Variants in MDM4 observed in about 807,000 individuals in gnomAD.
The protein encoded by MDM4 is protein Mdm4.
In MDM4, 2 loss-of-function variants were observed where a neutral mutation model predicts 60.2. The ratio of observed to expected loss-of-function variants is 0.03; its 90% CI spans 0.01 to 0.10. The LOEUF is 0.10. MDM4 is among the 10% of genes least tolerant of loss of function. The probability of loss-of-function intolerance (pLI) is 1.00; values close to 1 mark genes in which losing one functional copy is unlikely to be tolerated. For missense variants in MDM4, 447 were observed against 577.5 expected (o/e 0.77, Z 2.32); for synonymous variants, 202 against 198.1 (o/e 1.02, Z -0.17).
In MDM4 at chr1:204,552,888, T is replaced by TTA. The variant is rs1553329271; in HGVS notation, c.*3206_*3207insTA. ...TTTTCTTTTCTTTTTTTTTTTTTTT[T>TTA]ACTTGAGATGGAGTTTTGCTCTTGT... On this transcript the variant is annotated 3_prime_UTR_variant, in exon 11 of 11. Transcript: ENST00000367182. The TTA allele has an allele frequency of 8.0e-4, 124 of 154,158 alleles. 1 individual carries two copies. Among genetic ancestry groups the TTA allele is most frequent in the Admixed American group, 1.4e-3 (21 of 14,566 alleles). 9.5% of individuals were successfully genotyped at this position (154,158 alleles called of 1,614,324 possible).
rs1365306022 is a variant in MDM4 at position 204,550,742 on chromosome 1, C to G, written c.*1060C>G. 1 of 175,674 alleles carries G rather than the reference C, an allele frequency of 5.7e-6. No individual in the cohort carries two copies. Among genetic ancestry groups the G allele is most frequent in the African/African-American group, 2.4e-5 (1 of 42,238 alleles). 10.9% of individuals were successfully genotyped at this position (175,674 alleles called of 1,614,324 possible). A position where few individuals can be genotyped will look rare whatever the true frequency, so the allele number is the denominator to read the frequency against. ...GTAGACGGTGTCTCGTTATGTTGCC[C>G]AGGCTGGTCTCGAACTCCTGGGTTT... On this transcript the variant is annotated 3_prime_UTR_variant, in exon 11 of 11. Coordinates refer to ENST00000367182, the MANE Select transcript of MDM4 (RefSeq NM_002393.5).
chr1:204,538,305 G>A lies in MDM4; in HGVS notation c.508G>A (p.Glu170Lys). 6.5e-7 allele frequency: 1 copy of A among 1,550,184 alleles called. No homozygotes were observed. The highest frequency in any genetic ancestry group is 1.1e-5 in the South Asian group (1 of 89,582). ...TSEHKCIHSREDEDLIENLAQ... is the reference protein window; with the variant it reads ...TSEHKCIHSRKDEDLIENLAQ... ...AGAGCATAAATGCATACATTCTAGA[G>A]AAGGTATGTTTTGGATTAAGGCTAT... is the stretch of plus-strand genomic sequence containing the variant. Residue 170 changes from glutamate to lysine, a missense_variant, in exon 7 of 11, where the codon GAA becomes AAA. Transcript: ENST00000367182.
At chr1:204,531,463 A>G (rs2102356149) in intron 4 of MDM4, among the ~76,000 whole-genome samples, 1 of 152,350 alleles carries the variant, frequency 6.6e-6, no homozygotes, top group East Asian at 1.9e-4. Context: ...TCAAAAGCTA[A>G]TTAGTAATTT....
intron 6 of MDM4, 53 bp from the exon 7 acceptor site, chr1:204,538,156 C>T: frequency 1.0e-6 from 1 of 957,468 alleles, no homozygotes; most frequent in Non-Finnish European, 1.7e-6. Context: ...CTGCTACATC[C>T]CCTGGTCTCA....
intron 3 of MDM4, chr1:204,529,152 G>T: frequency 1.0e-6 from 1 of 963,328 alleles, no homozygotes; most frequent in Non-Finnish European, 1.6e-6. Flanking sequence ...ACTGCTGGAT[G>T]AATTTCCACA....
At chr1:204,529,350 A>G (rs1202355906) in intron 3 of MDM4, 5 of 822,798 alleles carry the variant, frequency 6.1e-6, no homozygotes, top group Non-Finnish European at 1.1e-5. Flanking sequence ...GGCCTCATCC[A>G]TATTGGGAGG....
intron 1 of MDM4, among the ~76,000 whole-genome samples, chr1:204,518,897 C>G (rs1558307123): frequency 6.6e-6 from 1 of 152,186 alleles, no homozygotes; most frequent in Non-Finnish European, 1.5e-5. Flanking sequence ...AACTCCTGGC[C>G]TCAATCTGCC....
chr1:204,522,747 T>C (rs542099887), intron 1 of MDM4, among the ~76,000 whole-genome samples: 1 of 152,268 alleles, frequency 6.6e-6, no homozygotes, highest in South Asian at 2.1e-4. Context: ...ATTTGACTTA[T>C]TTTATAGCAA....
Position 204,557,820 on chromosome 1 carries a change from G to A in MDM4, c.*8138G>A, listed in dbSNP as rs1374486815. The A allele has an allele frequency of 5.3e-6, 1 of 189,070 alleles. No homozygotes were observed. The highest frequency in any genetic ancestry group is 8.5e-5 in the East Asian group (1 of 11,830). The allele number at this position is 189,070 out of a possible 1,614,324, so 11.7% of individuals were successfully genotyped here. A position where few individuals can be genotyped will look rare whatever the true frequency, so the allele number is the denominator to read the frequency against. On this transcript the variant is annotated 3_prime_UTR_variant, in exon 11 of 11. Coordinates refer to ENST00000367182, the MANE Select transcript of MDM4 (RefSeq NM_002393.5). ...GAGAATCACAAGAGCAGCAAATGTGGTTTCATCAAGTGGGAAGAAAGCAGC... is the reference window on the plus strand; with the variant it reads ...GAGAATCACAAGAGCAGCAAATGTGATTTCATCAAGTGGGAAGAAAGCAGC...
intron 3 of MDM4, among the ~76,000 whole-genome samples, chr1:204,526,970 G>A (rs755995860): frequency 1.3e-5 from 2 of 152,004 alleles, no homozygotes; most frequent in Non-Finnish European, 2.9e-5. Context: ...TTCATTGATC[G>A]TAGAGTTAAA....
intron 7 of MDM4, among the ~76,000 whole-genome samples, chr1:204,540,102 A>G (rs1410660387): frequency 6.6e-6 from 1 of 151,476 alleles, no homozygotes; most frequent in Non-Finnish European, 1.5e-5. Flanking sequence ...CAACACGGTG[A>G]AATCCTGTCT....
intron 10 of MDM4, among the ~76,000 whole-genome samples, chr1:204,548,844 G>A (rs1662923886): frequency 6.6e-6 from 1 of 151,994 alleles, no homozygotes; most frequent in Admixed American, 6.5e-5. Context: ...AAATTTCACC[G>A]AGATGAGGTA....
At chr1:204,529,789 G>GC (rs1660678081) in intron 3 of MDM4, 2 of 329,208 alleles carry the variant, frequency 6.1e-6, no homozygotes, top group African/African-American at 4.3e-5. Context: ...CCTTCATTTA[G>GC]CATGGCAGAG....
chr1:204,517,151 G>C (rs1311446832), intron 1 of MDM4, among the ~76,000 whole-genome samples: 2 of 151,846 alleles, frequency 1.3e-5, no homozygotes, highest in Admixed American at 6.6e-5. Flanking sequence ...GCTGAGGCAG[G>C]AGAATCACTT....
intron 5 of MDM4, chr1:204,532,545 A>G (rs1382809700): frequency 1.8e-6 from 1 of 559,908 alleles, no homozygotes; most frequent in Non-Finnish European, 3.1e-6. Context: ...AACATTCAAT[A>G]TCATTATTAC....
At chr1:204,544,771 A>G in intron 9 of MDM4, 87 bp downstream of exon 9, 1 of 1,233,594 alleles carries the variant, frequency 8.1e-7, no homozygotes, top group South Asian at 1.6e-5. Flanking sequence ...TTTTTACAAC[A>G]GATTGCTCAC....
At chr1:204,531,120 G>C (rs1660812400) in intron 4 of MDM4, among the ~76,000 whole-genome samples, 1 of 152,132 alleles carries the variant, frequency 6.6e-6, no homozygotes, top group Non-Finnish European at 1.5e-5. Flanking sequence ...GGAGTGGGTG[G>C]GATTTAGAGT....
At chr1:204,522,496 C>T (rs1429789755) in intron 1 of MDM4, among the ~76,000 whole-genome samples, 1 of 151,112 alleles carries the variant, frequency 6.6e-6, no homozygotes, top group Admixed American at 6.6e-5. Context: ...TTCCCAAGTT[C>T]AGGCGATTCT....
rs1323953376 is a variant in MDM4 at position 204,552,109 on chromosome 1, TAA to T, written c.*2431_*2432del. The T allele has an allele frequency of 6.4e-6, 1 of 156,520 alleles. No homozygotes were observed. Among genetic ancestry groups the T allele is most frequent in the Non-Finnish European group, 1.4e-5 (1 of 70,906 alleles). 9.7% of individuals were successfully genotyped at this position (156,520 alleles called of 1,614,324 possible). A position where few individuals can be genotyped will look rare whatever the true frequency, so the allele number is the denominator to read the frequency against. Reference sequence around the variant, plus strand: ...CGACATGGAGAAACCCCATTTTTACTAAAAATACAAAAAATTAGCTGGGCATG... The same window carrying T: ...CGACATGGAGAAACCCCATTTTTACTAAATACAAAAAATTAGCTGGGCATG... On this transcript the variant is annotated 3_prime_UTR_variant, in exon 11 of 11. Coordinates refer to ENST00000367182, the MANE Select transcript of MDM4 (RefSeq NM_002393.5).
Sources: gnomAD v4.1 joint callset for allele counts (sites outside exome capture counted in the v4.1 genomes callset) on GRCh38, gnomAD v4.1.1 for gene constraint, MANE v1.5 for transcripts, NCBI Gene and HGNC (gene_info 2026-07-23, HGNC 2026-07-21) for gene names.